TRAPPC9: variants seen among roughly 807,000 people sequenced by gnomAD.
TRAPPC9 encodes the protein IKK2 binding protein.
In TRAPPC9, 83 loss-of-function variants were observed where a neutral mutation model predicts 124.0. The observed-to-expected ratio is 0.67, with a 90% CI of 0.56 to 0.80. The LOEUF (loss-of-function observed/expected upper bound fraction) is 0.80. Among genes scored for constraint, TRAPPC9 ranks in the 30% least tolerant of loss-of-function variants. TRAPPC9 has a pLI of 0.00. For synonymous variants in TRAPPC9, 638 were observed against 617.5 expected (o/e 1.03, Z -0.49); for missense variants, 1,302 against 1,508.3 (o/e 0.86, Z 2.27).
chr8:139,863,670 T>C (rs1211959718), intron 21 of TRAPPC9, among the ~76,000 whole-genome samples: 1 of 152,122 alleles, frequency 6.6e-6, no homozygotes, highest in Non-Finnish European at 1.5e-5. Flanking sequence ...CCACTTCCCA[T>C]CCAGAATCGC....
At chr8:139,862,123 A>G (rs1828205747) in intron 21 of TRAPPC9, among the ~76,000 whole-genome samples, 1 of 152,252 alleles carries the variant, frequency 6.6e-6, no homozygotes, top group Non-Finnish European at 1.5e-5. Flanking sequence ...TTACAGATTC[A>G]GAAACAGGTT....
chr8:140,144,005 T>C (rs1425656008), intron 17 of TRAPPC9, among the ~76,000 whole-genome samples: 1 of 152,250 alleles, frequency 6.6e-6, no homozygotes, highest in Admixed American at 6.5e-5. Flanking sequence ...TCTATACCTA[T>C]AAATCTGATT....
At chr8:140,185,935 T>C (rs914000598) in intron 17 of TRAPPC9, among the ~76,000 whole-genome samples, 1 of 152,128 alleles carries the variant, frequency 6.6e-6, no homozygotes, top group Admixed American at 6.5e-5. Flanking sequence ...CCCCAGACAC[T>C]GAGGGTAGGA....
intron 17 of TRAPPC9, among the ~76,000 whole-genome samples, chr8:140,042,352 T>C (rs1021252095): frequency 9.9e-5 from 15 of 152,182 alleles, no homozygotes; most frequent in African/African-American, 1.4e-4. Flanking sequence ...GGGAAAATAC[T>C]AACAAATCAA....
At chr8:140,330,106 A>G (rs1588160908) in intron 9 of TRAPPC9, among the ~76,000 whole-genome samples, 1 of 152,030 alleles carries the variant, frequency 6.6e-6, no homozygotes, top group East Asian at 1.9e-4. Flanking sequence ...CCTCAATGCT[A>G]TATGTTCACG....
chr8:139,775,041 G>A (rs1821265646), intron 21 of TRAPPC9, among the ~76,000 whole-genome samples: 1 of 152,162 alleles, frequency 6.6e-6, no homozygotes, highest in Non-Finnish European at 1.5e-5. Context: ...AGGGGCTCTG[G>A]TCCCCAAGAA....
chr8:139,934,053 A>G (rs549115110), intron 19 of TRAPPC9: 31 of 152,222 alleles, frequency 2.0e-4, no homozygotes, highest in African/African-American at 7.5e-4. Context: ...CGTTATAGAA[A>G]CCTCTGTGAG....
At chr8:140,158,738 C>T (rs565426538) in intron 17 of TRAPPC9, among the ~76,000 whole-genome samples, 1 of 152,346 alleles carries the variant, frequency 6.6e-6, no homozygotes, top group South Asian at 2.1e-4. Flanking sequence ...GCCACCCAGA[C>T]TCCCCTGCTG....
intron 1 of TRAPPC9, among the ~76,000 whole-genome samples, chr8:140,455,034 C>T (rs546185102): frequency 1.3e-5 from 2 of 152,080 alleles, no homozygotes; most frequent in East Asian, 1.9e-4. Context: ...GTATCTTCAA[C>T]TTGGTAGTTC....
At chr8:140,274,922 C>G (rs1308283015) in intron 15 of TRAPPC9, among the ~76,000 whole-genome samples, 1 of 152,204 alleles carries the variant, frequency 6.6e-6, no homozygotes, top group African/African-American at 2.4e-5. Flanking sequence ...TGCTAACTTG[C>G]TTTCCCTTTT....
At chr8:140,038,681 G>A (rs752306543) in intron 17 of TRAPPC9, among the ~76,000 whole-genome samples, 3 of 152,196 alleles carry the variant, frequency 2.0e-5, no homozygotes, top group Admixed American at 1.3e-4. Context: ...GCATGACGGC[G>A]GCCAGGGTAA....
chr8:140,411,543 T>C (rs1301150776), intron 5 of TRAPPC9, among the ~76,000 whole-genome samples: 2 of 152,194 alleles, frequency 1.3e-5, no homozygotes, highest in Non-Finnish European at 2.9e-5. Flanking sequence ...GGTTTTGCCA[T>C]GTTGGCCAGG....
rs1817669780 is a variant in TRAPPC9 at position 139,728,693 on chromosome 8, G to T, written c.*2368C>A. Among the ~76,000 whole-genome samples the T allele has an allele frequency of 6.6e-6, 1 of 152,192 alleles. No individual in the cohort carries two copies. Among genetic ancestry groups the T allele is most frequent in the African/African-American group, 2.4e-5 (1 of 41,460 alleles). ...CTACTGGGACAGAAAGGGTGCCCTG[G>T]GGGTGGGGAAGGGCCTGGGGCTGGC... On this transcript the variant is annotated 3_prime_UTR_variant, in exon 23 of 23. Coordinates refer to ENST00000438773, the MANE Select transcript of TRAPPC9 (RefSeq NM_001160372.4).
intron 9 of TRAPPC9, among the ~76,000 whole-genome samples, chr8:140,355,664 T>C (rs1402231032): frequency 6.6e-6 from 1 of 152,220 alleles, no homozygotes. Context: ...CTAAGGGCTC[T>C]GGCCATAAAA....
intron 17 of TRAPPC9, among the ~76,000 whole-genome samples, chr8:140,123,488 C>T (rs1360874331): frequency 3.9e-5 from 6 of 152,050 alleles, no homozygotes; most frequent in African/African-American, 1.4e-4. Context: ...CCTGCCCTGC[C>T]CTCACAGCCC....
chr8:139,760,885 T>C (rs368269444), intron 21 of TRAPPC9, among the ~76,000 whole-genome samples: 1 of 152,092 alleles, frequency 6.6e-6, no homozygotes, highest in Non-Finnish European at 1.5e-5. Context: ...CCACAACACA[T>C]GGGAATTACC....
At chr8:140,208,396 G>A (rs1335166428) in intron 17 of TRAPPC9, among the ~76,000 whole-genome samples, 1 of 152,122 alleles carries the variant, frequency 6.6e-6, no homozygotes, top group Non-Finnish European at 1.5e-5. Context: ...CTCAAACTGT[G>A]GTCTCCACAC....
At chr8:140,228,143 G>A (rs1209664207) in intron 16 of TRAPPC9, among the ~76,000 whole-genome samples, 1 of 152,236 alleles carries the variant, frequency 6.6e-6, no homozygotes, top group African/African-American at 2.4e-5. Flanking sequence ...ACTTTCAAAA[G>A]AGACACTAAT....
chr8:140,431,502 C>A (rs1424036390), intron 4 of TRAPPC9, among the ~76,000 whole-genome samples: 1 of 152,018 alleles, frequency 6.6e-6, no homozygotes, highest in Non-Finnish European at 1.5e-5. Context: ...CCTTCATTTC[C>A]TGAGTCTCTC....
Sources: allele counts gnomAD v4.1 joint callset (sites outside exome capture counted in the v4.1 genomes callset), GRCh38; gene constraint gnomAD v4.1.1; transcripts MANE v1.5; gene names NCBI Gene and HGNC (gene_info 2026-07-23, HGNC 2026-07-21).